Variants in NPFFR2 observed in about 807,000 individuals in gnomAD.
NPFFR2 encodes the protein G-protein coupled receptor 74.
In NPFFR2, 15 loss-of-function variants were observed where a neutral mutation model predicts 13.1. The ratio of observed to expected loss-of-function variants is 1.15; its 90% CI spans 0.77 to 1.76. The LOEUF is 1.76. Among genes scored for constraint, NPFFR2 ranks in the 40% most tolerant of loss-of-function variants. The pLI, the probability that NPFFR2 is intolerant of heterozygous loss-of-function variation, is 0.00. For missense variants in NPFFR2, 572 were observed against 503.5 expected, an observed-to-expected ratio of 1.14 and a Z score of -1.30; for synonymous variants, 190 against 175.7, an observed-to-expected ratio of 1.08 and a Z score of -0.65.
At chr4:72,047,522 T>C (rs1240620264) in intron 1 of NPFFR2, among the ~76,000 whole-genome samples, 5 of 152,162 alleles carry the variant, frequency 3.3e-5, no homozygotes, top group Admixed American at 3.3e-4. Flanking sequence ...CAAGTGGGCA[T>C]GCCCAGTCAG....
intron 1 of NPFFR2, among the ~76,000 whole-genome samples, chr4:72,085,986 G>C (rs1355248712): frequency 6.6e-6 from 1 of 151,992 alleles, no homozygotes; most frequent in Non-Finnish European, 1.5e-5. Context: ...TGATTTGCTT[G>C]ATACATACCA....
chr4:72,043,374 T>TC (rs2109757535), intron 1 of NPFFR2, among the ~76,000 whole-genome samples: 1 of 152,324 alleles, frequency 6.6e-6, no homozygotes, highest in East Asian at 1.9e-4. Flanking sequence ...GCTACTGTCT[T>TC]CTAGACCTCA....
intron 1 of NPFFR2, among the ~76,000 whole-genome samples, chr4:72,054,331 C>G (rs897099418): frequency 1.3e-5 from 2 of 151,804 alleles, no homozygotes; most frequent in Non-Finnish European, 2.9e-5. Context: ...TAGACCCACA[C>G]TTATGTGGCC....
intron 2 of NPFFR2, 56 bp downstream of exon 2, chr4:72,128,975 A>G: frequency 1.5e-6 from 2 of 1,351,540 alleles, no homozygotes; most frequent in Non-Finnish European, 2.1e-6. Flanking sequence ...CCCATATTTC[A>G]GCAGCCATTG....
In NPFFR2 at chr4:72,048,717, G is replaced by C. The variant is rs370899118; in HGVS notation, c.-8+16517G>C. 2.1e-4 allele frequency among the ~76,000 whole-genome samples: 29 copies of C among 140,342 alleles called. 1 individual carries two copies. Among genetic ancestry groups the C allele is most frequent in the East Asian group, 1.2e-3 (6 of 4,932 alleles). The allele number at this position is 140,342 out of a possible 152,430, so 92.1% of individuals were successfully genotyped here. On this transcript the variant is annotated intron_variant, in intron 1 of 3. Coordinates refer to ENST00000308744, the MANE Select transcript of NPFFR2 (RefSeq NM_004885.3). ...TTTTTAATGATACTTTGGTAATGTG[G>C]TCAAAATGTGAAATAACTTATCTTT...
chr4:72,139,883 T>C (rs538892937), intron 3 of NPFFR2, among the ~76,000 whole-genome samples: 1 of 152,312 alleles, frequency 6.6e-6, no homozygotes, highest in East Asian at 1.9e-4. Flanking sequence ...ATTCTTTCTA[T>C]CCATGAGCAT....
At chr4:72,073,373 C>G (rs1720322001) in intron 1 of NPFFR2, among the ~76,000 whole-genome samples, 1 of 151,924 alleles carries the variant, frequency 6.6e-6, no homozygotes, top group Non-Finnish European at 1.5e-5. Flanking sequence ...GCTGGCAAAA[C>G]TATCTTTCAA....
intron 1 of NPFFR2, among the ~76,000 whole-genome samples, chr4:72,037,262 G>A (rs1211185608): frequency 6.6e-6 from 1 of 151,626 alleles, no homozygotes; most frequent in Non-Finnish European, 1.5e-5. Flanking sequence ...GCTGGTCATA[G>A]TGGTACATAC....
At chr4:72,102,345 G>A (rs1444945146) in intron 1 of NPFFR2, among the ~76,000 whole-genome samples, 1 of 151,868 alleles carries the variant, frequency 6.6e-6, no homozygotes, top group Non-Finnish European at 1.5e-5. Context: ...AATTAATATG[G>A]CAACTTAATA....
At chr4:72,132,613 C>T (rs953218502) in intron 2 of NPFFR2, among the ~76,000 whole-genome samples, 3 of 152,158 alleles carry the variant, frequency 2.0e-5, no homozygotes, top group African/African-American at 7.2e-5. Context: ...ACATTTGCAC[C>T]AACAGTGTGA....
chr4:72,072,011 G>C (rs2109784729), intron 1 of NPFFR2, among the ~76,000 whole-genome samples: 1 of 152,196 alleles, frequency 6.6e-6, no homozygotes, highest in South Asian at 2.1e-4. Context: ...AATACATTAA[G>C]TTTGCCCCTG....
At chr4:72,099,033 A>G (rs1041524372) in intron 1 of NPFFR2, among the ~76,000 whole-genome samples, 2 of 152,192 alleles carry the variant, frequency 1.3e-5, no homozygotes, top group African/African-American at 4.8e-5. Flanking sequence ...TGCAAGTATG[A>G]AGTCAATATG....
chr4:72,078,962 G>T (rs141093201), intron 1 of NPFFR2, among the ~76,000 whole-genome samples: 29 of 151,982 alleles, frequency 1.9e-4, no homozygotes, highest in South Asian at 1.0e-3. Flanking sequence ...TGCTATAGAA[G>T]GGTAGCACAA....
chr4:72,049,916 A>T (rs1228092538), intron 1 of NPFFR2, among the ~76,000 whole-genome samples: 2 of 151,982 alleles, frequency 1.3e-5, no homozygotes, highest in Non-Finnish European at 2.9e-5. Flanking sequence ...GCCCCATTCA[A>T]CTACACTTGA....
chr4:72,127,701 G>A (rs77540554), intron 1 of NPFFR2, among the ~76,000 whole-genome samples: 2,379 of 151,988 alleles, frequency 0.016, 65 homozygotes, highest in African/African-American at 0.054. Flanking sequence ...ACAGAATTAT[G>A]CTAAGTGAAA....
At chr4:72,115,707 T>C (rs1037687186) in intron 1 of NPFFR2, among the ~76,000 whole-genome samples, 2 of 152,230 alleles carry the variant, frequency 1.3e-5, no homozygotes, top group Non-Finnish European at 2.9e-5. Flanking sequence ...TAGAATTTCC[T>C]GCAGTCTTGT....
intron 1 of NPFFR2, among the ~76,000 whole-genome samples, chr4:72,070,162 T>C (rs1055690773): frequency 4.6e-5 from 7 of 152,174 alleles, no homozygotes; most frequent in African/African-American, 1.4e-4. Flanking sequence ...AGATTGCTCC[T>C]TTAACCACTA....
intron 1 of NPFFR2, 31 bp from the exon 2 acceptor site, chr4:72,128,554 T>C: frequency 2.9e-6 from 4 of 1,372,642 alleles, no homozygotes; most frequent in Middle Eastern, 3.7e-4. Flanking sequence ...TTCCTAATTA[T>C]GTTTTTCTTT....
chr4:72,034,846 G>T (rs1408748588), intron 1 of NPFFR2, among the ~76,000 whole-genome samples: 1 of 152,154 alleles, frequency 6.6e-6, no homozygotes. Context: ...CATACAAAAA[G>T]ATGCAATGGT....
Sources: gnomAD v4.1 joint callset for allele counts (sites outside exome capture counted in the v4.1 genomes callset) on GRCh38, gnomAD v4.1.1 for gene constraint, MANE v1.5 for transcripts, NCBI Gene and HGNC (gene_info 2026-07-23, HGNC 2026-07-21) for gene names.